Variants in PRIM2 observed in about 807,000 individuals in gnomAD.
PRIM2 encodes the protein DNA primase subunit 2, also known as DNA primase large subunit.
In PRIM2, 39 loss-of-function variants were observed where a neutral mutation model predicts 67.3. The ratio of observed to expected loss-of-function variants is 0.58; its 90% CI spans 0.45 to 0.76. The LOEUF (loss-of-function observed/expected upper bound fraction) is 0.76, where lower values mean the gene tolerates loss of function less well. Among genes scored for constraint, PRIM2 ranks in the 30% least tolerant of loss-of-function variants. The pLI is 0.00. For synonymous variants in PRIM2, 143 were observed against 198.7 expected, an observed-to-expected ratio of 0.72 and a Z score of 2.36; for missense variants, 398 against 598.7, an observed-to-expected ratio of 0.66 and a Z score of 3.50.
intron 7 of PRIM2, chr6:57,435,279 C>T (rs978849995): frequency 3.9e-5 from 6 of 152,240 alleles, no homozygotes; most frequent in African/African-American, 1.4e-4. Flanking sequence ...AAATGGATTT[C>T]TGTGAGCACC....
intron 5 of PRIM2, among the ~76,000 whole-genome samples, chr6:57,332,229 T>G (rs1410297721): frequency 6.6e-6 from 1 of 152,162 alleles, no homozygotes; most frequent in African/African-American, 2.4e-5. Context: ...AGTTTGAGAA[T>G]ATATTTTATA....
intron 7 of PRIM2, among the ~76,000 whole-genome samples, chr6:57,437,202 A>G (rs1031451971): frequency 6.6e-6 from 1 of 152,192 alleles, no homozygotes; most frequent in Non-Finnish European, 1.5e-5. Context: ...CACTGTTACA[A>G]GAGCAGCGCC....
chr6:57,557,811 G>A (rs1435773591), intron 10 of PRIM2, among the ~76,000 whole-genome samples: 5 of 151,754 alleles, frequency 3.3e-5, no homozygotes, highest in Admixed American at 6.6e-5. Flanking sequence ...TGACCTCAGG[G>A]AACATAGTCT....
chr6:57,344,776 C>T (rs1236984870), intron 5 of PRIM2, among the ~76,000 whole-genome samples: 1 of 152,116 alleles, frequency 6.6e-6, no homozygotes, highest in African/African-American at 2.4e-5. Flanking sequence ...TACACCATGG[C>T]AGATGGTCTT....
chr6:57,298,629 T>A, the PRIM2 span, among the ~76,000 whole-genome samples: 1 of 152,074 alleles, frequency 6.6e-6, no homozygotes, highest in African/African-American at 2.4e-5. Context: ...AAGTGGTGGA[T>A]TCCCCTTCAT....
chr6:57,646,428 C>A lies in PRIM2; in HGVS notation c.*270C>A. The A allele has an allele frequency of 2.8e-6, 1 of 350,900 alleles. No homozygotes were observed. Among genetic ancestry groups the A allele is most frequent in the South Asian group, 4.0e-5 (1 of 24,860 alleles). The allele number at this position is 350,900 out of a possible 1,614,324, so 21.7% of individuals were successfully genotyped here. ...GTCTCCCTATGTTGCCCAGGCAGAT[C>A]TCAGACTCCTGGGCTCAAGCGATCC... is the stretch of plus-strand genomic sequence containing the variant. On this transcript the variant is annotated 3_prime_UTR_variant, in exon 14 of 14. Coordinates refer to ENST00000615550, the MANE Select transcript of PRIM2 (RefSeq NM_000947.5).
the PRIM2 span, among the ~76,000 whole-genome samples, chr6:57,267,787 G>A: frequency 6.6e-6 from 1 of 150,614 alleles, no homozygotes; most frequent in Non-Finnish European, 1.5e-5. Context: ...GCACATGCTG[G>A]TCTCGAAAAC....
the PRIM2 span, among the ~76,000 whole-genome samples, chr6:57,302,880 A>G: frequency 6.6e-6 from 1 of 152,326 alleles, no homozygotes; most frequent in South Asian, 2.1e-4. Context: ...AAGTTACTGC[A>G]GGTGCATTTA....
the PRIM2 span, among the ~76,000 whole-genome samples, chr6:57,258,669 A>C: frequency 6.7e-6 from 1 of 149,958 alleles, no homozygotes; most frequent in Non-Finnish European, 1.5e-5. Context: ...AAGAGCCTAG[A>C]ACCCACAGAA....
intron 7 of PRIM2, among the ~76,000 whole-genome samples, chr6:57,495,782 C>T (rs1773990972): frequency 1.3e-5 from 2 of 152,136 alleles, no homozygotes; most frequent in African/African-American, 4.8e-5. Flanking sequence ...CTTGCTTTGT[C>T]ACCTAGGCTG....
At chr6:57,533,024 C>A (rs1332584621) in intron 9 of PRIM2, among the ~76,000 whole-genome samples, 1 of 152,102 alleles carries the variant, frequency 6.6e-6, no homozygotes. Context: ...GTATGTGAGA[C>A]CAGGGCCCCA....
At chr6:57,251,800 T>C in the PRIM2 span, among the ~76,000 whole-genome samples, 3 of 152,360 alleles carry the variant, frequency 2.0e-5, no homozygotes, top group South Asian at 4.1e-4. Flanking sequence ...CTCATGAGAA[T>C]GCATATTTCC....
chr6:57,226,985 T>G, the PRIM2 span, among the ~76,000 whole-genome samples: 1 of 152,208 alleles, frequency 6.6e-6, no homozygotes, highest in African/African-American at 2.4e-5. Context: ...TCCTTGATTG[T>G]TCTTGTATTA....
chr6:57,324,133 C>T, intron 3 of PRIM2, 68 bp from the exon 4 acceptor site: 1 of 849,298 alleles, frequency 1.2e-6, no homozygotes, highest in South Asian at 1.5e-5. Context: ...CTTAGGCTGG[C>T]TCAGTATTTC....
intron 10 of PRIM2, among the ~76,000 whole-genome samples, chr6:57,542,293 T>A (rs1321208794): frequency 6.6e-6 from 1 of 152,030 alleles, no homozygotes; most frequent in African/African-American, 2.4e-5. Flanking sequence ...GTGAGCTGGG[T>A]TGTTTTGAAG....
chr6:57,504,232 G>A (rs1774205724), intron 7 of PRIM2, among the ~76,000 whole-genome samples: 1 of 152,138 alleles, frequency 6.6e-6, no homozygotes, highest in East Asian at 1.9e-4. Context: ...ATTTACAAGG[G>A]TACAAGTGTA....
At chr6:57,418,558 A>G (rs1487963200) in intron 7 of PRIM2, among the ~76,000 whole-genome samples, 1 of 150,102 alleles carries the variant, frequency 6.7e-6, no homozygotes, top group Non-Finnish European at 1.5e-5. Context: ...CACCACGCCC[A>G]GCTAATTTTT....
the PRIM2 span, among the ~76,000 whole-genome samples, chr6:57,226,674 A>G: frequency 1.3e-5 from 2 of 152,248 alleles, no homozygotes; most frequent in South Asian, 4.1e-4. Flanking sequence ...ACTGCTATCT[A>G]GGGAAAACAT....
chr6:57,280,222 A>G, the PRIM2 span, among the ~76,000 whole-genome samples: 3 of 152,216 alleles, frequency 2.0e-5, no homozygotes, highest in African/African-American at 7.2e-5. Context: ...AAAGGCATAA[A>G]GAGAAAATAT....
Sources: gnomAD v4.1 joint callset for allele counts (sites outside exome capture counted in the v4.1 genomes callset) on GRCh38, gnomAD v4.1.1 for gene constraint, MANE v1.5 for transcripts, NCBI Gene and HGNC (gene_info 2026-07-23, HGNC 2026-07-21) for gene names.